TRPM3: variants seen among roughly 807,000 people sequenced by gnomAD.
TRPM3 encodes transient receptor potential cation channel subfamily M member 3.
TRPM3 carries 77 observed loss-of-function variants against 181.2 expected under a neutral mutation model. The observed-to-expected ratio is 0.42, with a 90% CI of 0.35 to 0.51. The LOEUF (loss-of-function observed/expected upper bound fraction) is 0.51. TRPM3 is among the 20% of genes least tolerant of loss of function. The probability of loss-of-function intolerance (pLI) is 0.01; values close to 1 mark genes in which losing one functional copy is unlikely to be tolerated. For synonymous variants in TRPM3, 745 were observed against 796.4 expected, an observed-to-expected ratio of 0.94 and a Z score of 1.09; for missense variants, 1,759 against 2,196.7, an observed-to-expected ratio of 0.80 and a Z score of 3.98.
At chr9:71,395,144 C>T (rs897820244) in intron 1 of TRPM3, among the ~76,000 whole-genome samples, 1 of 152,206 alleles carries the variant, frequency 6.6e-6, no homozygotes, top group African/African-American at 2.4e-5. Context: ...CTCACCAGTG[C>T]TCTTCCCAGC....
intron 1 of TRPM3, among the ~76,000 whole-genome samples, chr9:71,192,477 T>C (rs144541114): frequency 1.4e-4 from 21 of 152,058 alleles, no homozygotes; most frequent in African/African-American, 4.1e-4. Context: ...TGATATCTCA[T>C]TGTGGTTTTT....
At chr9:70,541,310 G>A (rs924505597) in intron 25 of TRPM3, among the ~76,000 whole-genome samples, 1 of 152,120 alleles carries the variant, frequency 6.6e-6, no homozygotes, top group African/African-American at 2.4e-5. Context: ...TGTAAGACTT[G>A]ACTAAAACAA....
rs575137421 is a variant in TRPM3, at chr9:70,627,880, TATCTTTATCCATCTAACTGA to T, written c.1633-2383_1633-2364del. On this transcript the variant is annotated intron_variant, in intron 12 of 25. Transcript: ENST00000677713. ...TTCAAAATCTCCTTTGTTTGAAGATTATCTTTATCCATCTAACTGAATCAGCAAGCTAAGCTATCCTCAGG... is the reference window on the plus strand; with the variant it reads ...TTCAAAATCTCCTTTGTTTGAAGATTATCAGCAAGCTAAGCTATCCTCAGG... 3.3e-4 allele frequency among the ~76,000 whole-genome samples: 51 copies of T among 152,294 alleles called. 2 individuals carry two copies. The South Asian group carries it at 7.5e-3, about 22-fold the overall frequency.
rs570719446 is a variant in TRPM3, at chr9:70,574,947, T to A, written c.3223+16084A>T. Among the ~76,000 whole-genome samples, 92 of 151,620 alleles carry A rather than the reference T, an allele frequency of 6.1e-4. 1 individual carries two copies. Among genetic ancestry groups the A allele is most frequent in the African/African-American group, 1.1e-3 (44 of 41,364 alleles). Reference sequence around the variant, plus strand: ...TTTTCTTTTCTTTCTTTTTTTTTTTTAAATTTTTTTTCCCAACAGGGTCTC... The same window carrying A: ...TTTTCTTTTCTTTCTTTTTTTTTTTAAAATTTTTTTTCCCAACAGGGTCTC... On this transcript the variant is annotated intron_variant, in intron 22 of 25. Transcript: ENST00000677713.
At chr9:71,341,187 C>T (rs2090938049) in intron 1 of TRPM3, among the ~76,000 whole-genome samples, 1 of 151,966 alleles carries the variant, frequency 6.6e-6, no homozygotes, top group Non-Finnish European at 1.5e-5. Flanking sequence ...AGTGGGACAC[C>T]ACAGTAAAAT....
intron 1 of TRPM3, among the ~76,000 whole-genome samples, chr9:70,978,548 G>A (rs2097330404): frequency 6.6e-6 from 1 of 152,124 alleles, no homozygotes; most frequent in Non-Finnish European, 1.5e-5. Context: ...TGCTTTTAGT[G>A]CTTCAGAGAT....
chr9:70,915,713 A>G (rs2096587565), intron 1 of TRPM3, among the ~76,000 whole-genome samples: 1 of 151,978 alleles, frequency 6.6e-6, no homozygotes, highest in Non-Finnish European at 1.5e-5. Flanking sequence ...GAAAAAAAAA[A>G]CAATAAAGCA....
chr9:70,655,103 C>T (rs865860317), intron 9 of TRPM3, among the ~76,000 whole-genome samples: 205 of 149,946 alleles, frequency 1.4e-3, no homozygotes, highest in African/African-American at 4.7e-3. Context: ...GTCAGGAGTT[C>T]GAGACCAGCC....
chr9:70,805,900 G>T (rs754995452), intron 6 of TRPM3, among the ~76,000 whole-genome samples: 1 of 152,184 alleles, frequency 6.6e-6, no homozygotes, highest in African/African-American at 2.4e-5. Flanking sequence ...ACATGCACCA[G>T]AGTCAGTGTG....
At chr9:70,975,316 A>C (rs924974338) in intron 1 of TRPM3, among the ~76,000 whole-genome samples, 9 of 152,196 alleles carry the variant, frequency 5.9e-5, no homozygotes, top group African/African-American at 1.9e-4. Context: ...TCTTCAAAGG[A>C]AAAGGAGCTT....
At chr9:71,149,662 G>A (rs960226235) in intron 1 of TRPM3, among the ~76,000 whole-genome samples, 1 of 152,018 alleles carries the variant, frequency 6.6e-6, no homozygotes, top group Admixed American at 6.6e-5. Flanking sequence ...AAAATATACA[G>A]TTAAAATATT....
intron 7 of TRPM3, among the ~76,000 whole-genome samples, chr9:70,766,494 T>C (rs2079151635): frequency 6.6e-6 from 1 of 151,368 alleles, no homozygotes; most frequent in African/African-American, 2.4e-5. Context: ...TGAGAAAATT[T>C]TAGCTATATA....
chr9:71,148,234 T>C (rs1228816426), intron 1 of TRPM3, among the ~76,000 whole-genome samples: 2 of 152,214 alleles, frequency 1.3e-5, no homozygotes, highest in East Asian at 3.8e-4. Flanking sequence ...TAAAATCAGC[T>C]AAAGTTATCA....
intron 1 of TRPM3, among the ~76,000 whole-genome samples, chr9:70,914,464 G>A (rs2096570072): frequency 6.6e-6 from 1 of 152,214 alleles, no homozygotes; most frequent in South Asian, 2.1e-4. Flanking sequence ...GAGGTACAAT[G>A]AGAGATCATA....
At chr9:70,638,934 A>C in intron 11 of TRPM3, 126 bp downstream of exon 11, 1 of 1,093,800 alleles carries the variant, frequency 9.1e-7, no homozygotes. Context: ...CTAAGGGAGT[A>C]TTTGTGATGA....
chr9:71,420,248 C>T (rs2093704999), intron 1 of TRPM3, among the ~76,000 whole-genome samples: 1 of 151,668 alleles, frequency 6.6e-6, no homozygotes, highest in Non-Finnish European at 1.5e-5. Context: ...AGGGGATGAC[C>T]AAAGGGAAAT....
At chr9:71,125,101 T>C (rs924213005), upstream of TRPM3, among the ~76,000 whole-genome samples, 2 of 152,212 alleles carry the variant, frequency 1.3e-5, no homozygotes, top group South Asian at 2.1e-4. Flanking sequence ...GTAGACACTT[T>C]CGTTTGCTTC....
chr9:71,299,469 T>C (rs947397389), intron 1 of TRPM3, among the ~76,000 whole-genome samples: 6 of 144,872 alleles, frequency 4.1e-5, no homozygotes, highest in Non-Finnish European at 6.0e-5. Flanking sequence ...AAATAGGAAG[T>C]TAGGAGGAAG....
intron 8 of TRPM3, among the ~76,000 whole-genome samples, chr9:70,690,616 A>G (rs1482864097): frequency 2.6e-5 from 4 of 152,080 alleles, no homozygotes; most frequent in African/African-American, 4.8e-5. Context: ...TAATGCAGTG[A>G]CTTTTAAAAG....
Sources: allele counts gnomAD v4.1 joint callset (sites outside exome capture counted in the v4.1 genomes callset), GRCh38; gene constraint gnomAD v4.1.1; transcripts MANE v1.5; gene names NCBI Gene and HGNC (gene_info 2026-07-23, HGNC 2026-07-21).